Variants in HS3ST4 observed in about 807,000 individuals in gnomAD.
HS3ST4 encodes heparan sulfate-glucosamine 3-sulfotransferase 4.
In HS3ST4, 17 loss-of-function variants were observed where a neutral mutation model predicts 29.2. That is an observed-to-expected ratio of 0.58 (90% CI 0.40 to 0.87). The LOEUF (loss-of-function observed/expected upper bound fraction) is 0.87, where lower values mean the gene tolerates loss of function less well. HS3ST4 is among the 40% of genes least tolerant of loss of function. The pLI is 0.00. For missense variants in HS3ST4, 627 were observed against 634.5 expected (o/e 0.99, Z 0.13); for synonymous variants, 314 against 285.7 (o/e 1.10, Z -1.00).
intron 1 of HS3ST4, among the ~76,000 whole-genome samples, chr16:25,940,176 C>T (rs1324816575): frequency 1.3e-5 from 2 of 150,568 alleles, no homozygotes; most frequent in African/African-American, 2.5e-5. Context: ...TAAATGTCCT[C>T]AATTGTGAGA....
intron 1 of HS3ST4, among the ~76,000 whole-genome samples, chr16:25,856,239 G>A (rs113218870): frequency 0.011 from 1,677 of 152,164 alleles, 28 homozygotes; most frequent in African/African-American, 0.038. Flanking sequence ...ACTGTCTTTT[G>A]TATGCTAATG....
intron 1 of HS3ST4, among the ~76,000 whole-genome samples, chr16:25,799,460 A>G (rs1465518158): frequency 3.3e-5 from 5 of 152,216 alleles, no homozygotes; most frequent in Non-Finnish European, 5.9e-5. Context: ...AATTTAAATT[A>G]CCTTTAATTT....
intron 1 of HS3ST4, among the ~76,000 whole-genome samples, chr16:25,831,545 C>A (rs1967300487): frequency 6.6e-6 from 1 of 151,828 alleles, no homozygotes; most frequent in South Asian, 2.1e-4. Flanking sequence ...GAACTATGAC[C>A]ATGCCACTGT....
intron 1 of HS3ST4, among the ~76,000 whole-genome samples, chr16:25,728,668 G>A (rs1342038417): frequency 5.3e-5 from 8 of 152,110 alleles, no homozygotes; most frequent in Non-Finnish European, 1.0e-4. Context: ...TCAGTAATAC[G>A]GAATCAGAGA....
chr16:25,763,215 C>T (rs1012362800), intron 1 of HS3ST4, among the ~76,000 whole-genome samples: 2 of 152,096 alleles, frequency 1.3e-5, no homozygotes, highest in Non-Finnish European at 2.9e-5. Flanking sequence ...GGCAGGAAAA[C>T]TTCAGGTTTA....
rs987959482 is a variant in HS3ST4, at chr16:25,692,681, C to G, written c.264C>G (p.Pro88=). Residue 88 remains proline (P), a synonymous_variant, in exon 1 of 2, where the codon CCC becomes CCG. Coordinates refer to ENST00000331351, the MANE Select transcript of HS3ST4 (RefSeq NM_006040.3). The stretch of plus-strand genomic sequence containing the variant: ...CGCCACCCTCTCTGCTGCCTACCCC[C>G]GTGCGCCTCGGCGCCCCCTCGCAGC... The part of the protein sequence containing the change: ...SPPPPSLLPT[P]VRLGAPSQPP... 12 of 1,246,090 alleles carry G rather than the reference C, an allele frequency of 9.6e-6. No individual in the cohort carries two copies. In the East Asian group the frequency reaches 1.4e-4, roughly 14 times the overall value. The allele number at this position is 1,246,090 out of a possible 1,614,324, so 77.2% of individuals were successfully genotyped here.
chr16:25,929,395 A>G (rs1453344849), intron 1 of HS3ST4, among the ~76,000 whole-genome samples: 3 of 152,066 alleles, frequency 2.0e-5, no homozygotes, highest in Non-Finnish European at 4.4e-5. Context: ...GAAGAAAAAA[A>G]AAAGAAAAGA....
At chr16:25,768,416 CTGTT>C (rs926725210) in intron 1 of HS3ST4, among the ~76,000 whole-genome samples, 23 of 152,306 alleles carry the variant, frequency 1.5e-4, no homozygotes, top group Middle Eastern at 3.4e-3. Flanking sequence ...TTCCCTCTCT[CTGTT>C]TGTTTTGCTT....
At chr16:25,745,094 T>TA (rs1966677681) in intron 1 of HS3ST4, among the ~76,000 whole-genome samples, 2 of 152,086 alleles carry the variant, frequency 1.3e-5, no homozygotes, top group African/African-American at 2.4e-5. Context: ...GGCCAGGACT[T>TA]AGTCATATTG....
chr16:25,768,014 A>G (rs1966832123), intron 1 of HS3ST4, among the ~76,000 whole-genome samples: 1 of 152,120 alleles, frequency 6.6e-6, no homozygotes, highest in Non-Finnish European at 1.5e-5. Context: ...AGAAATTTGA[A>G]ACTTAAAGCT....
At chr16:26,123,348 C>A (rs1406383247) in intron 1 of HS3ST4, among the ~76,000 whole-genome samples, 1 of 152,150 alleles carries the variant, frequency 6.6e-6, no homozygotes, top group Non-Finnish European at 1.5e-5. Flanking sequence ...CTTAGCCACA[C>A]ACCTCTGTCA....
intron 1 of HS3ST4, among the ~76,000 whole-genome samples, chr16:25,701,085 A>G (rs1322967800): frequency 1.3e-5 from 2 of 152,230 alleles, no homozygotes; most frequent in Non-Finnish European, 2.9e-5. Flanking sequence ...TGATGTCACT[A>G]GGCCCCTGTC....
At chr16:25,990,516 C>T (rs559955148) in intron 1 of HS3ST4, among the ~76,000 whole-genome samples, 1 of 152,332 alleles carries the variant, frequency 6.6e-6, no homozygotes, top group South Asian at 2.1e-4. Context: ...TAATGCATAT[C>T]CAAAGAGACG....
chr16:25,932,028 A>T (rs1968468916), intron 1 of HS3ST4, among the ~76,000 whole-genome samples: 1 of 152,178 alleles, frequency 6.6e-6, no homozygotes. Context: ...TTGAAAGTTC[A>T]TCTTGGTCGG....
Position 25,692,631 on chromosome 16 carries a change from G to GCCGCCGAGCCC in HS3ST4, c.226_236dup (p.Pro80ArgfsTer74), listed in dbSNP as rs1352779221. ...GGCGCTGCAGGAGTCGCCGGGCGCC[G>GCCGCCGAGCCC]CCGCCGAGCCCCCGCCGAGCCCGCC... On this transcript the variant is annotated frameshift_variant, in exon 1 of 2. Transcript: ENST00000331351. LOFTEE classifies it high-confidence loss of function. The GCCGCCGAGCCC allele has an allele frequency of 3.7e-6, 5 of 1,363,258 alleles. No individual in the cohort carries two copies. The highest frequency in any genetic ancestry group is 3.3e-5 in the East Asian group (1 of 30,270). 84.4% of individuals were successfully genotyped at this position (1,363,258 alleles called of 1,614,324 possible). A position where few individuals can be genotyped will look rare whatever the true frequency, so the allele number is the denominator to read the frequency against.
chr16:25,842,583 C>A (rs1967426589), intron 1 of HS3ST4, among the ~76,000 whole-genome samples: 1 of 152,164 alleles, frequency 6.6e-6, no homozygotes, highest in Non-Finnish European at 1.5e-5. Flanking sequence ...ACTGAATTAA[C>A]CCTGAAATCT....
At chr16:25,762,796 G>C (rs775460062) in intron 1 of HS3ST4, among the ~76,000 whole-genome samples, 1 of 134,560 alleles carries the variant, frequency 7.4e-6, no homozygotes, top group African/African-American at 2.8e-5. Flanking sequence ...AGGATCCTTT[G>C]AACTCAGGAG....
At chr16:25,800,108 G>T (rs865863871) in intron 1 of HS3ST4, among the ~76,000 whole-genome samples, 8 of 137,420 alleles carry the variant, frequency 5.8e-5, no homozygotes, top group African/African-American at 2.5e-4. Context: ...CTTCCTTCCT[G>T]CCTTCCTGCC....
intron 1 of HS3ST4, among the ~76,000 whole-genome samples, chr16:25,792,794 T>G (rs1966872242): frequency 6.6e-6 from 1 of 151,824 alleles, no homozygotes; most frequent in African/African-American, 2.4e-5. Context: ...TTTTCCTTGT[T>G]TTCTTATTAG....
Sources: gnomAD v4.1 joint callset for allele counts (sites outside exome capture counted in the v4.1 genomes callset) on GRCh38, gnomAD v4.1.1 for gene constraint, MANE v1.5 for transcripts, NCBI Gene and HGNC (gene_info 2026-07-23, HGNC 2026-07-21) for gene names.